ABLIM1: variants seen among roughly 807,000 people sequenced by gnomAD.
The protein encoded by ABLIM1 is actin-binding LIM protein 1.
ABLIM1 carries 40 observed loss-of-function variants against 107.0 expected under a neutral mutation model. The observed-to-expected ratio is 0.37, with a 90% confidence interval of 0.29 to 0.49. The LOEUF is 0.49. Ranked by LOEUF, ABLIM1 falls within the 20% of genes least tolerant of loss-of-function variation. The pLI, the probability that ABLIM1 is intolerant of heterozygous loss-of-function variation, is 0.97. For missense variants in ABLIM1, 857 were observed against 1,008.5 expected (o/e 0.85, Z 2.04); for synonymous variants, 357 against 357.3 (o/e 1.00, Z 0.01).
chr10:114,697,841 A>G (rs1328926144), intron 1 of ABLIM1, among the ~76,000 whole-genome samples: 1 of 152,174 alleles, frequency 6.6e-6, no homozygotes, highest in Non-Finnish European at 1.5e-5. Flanking sequence ...TTAAAAGATC[A>G]TTTTGCCATT....
intron 17 of ABLIM1, 93 bp from the exon 18 acceptor site, chr10:114,441,879 G>T: frequency 3.5e-6 from 4 of 1,134,538 alleles, no homozygotes; most frequent in Non-Finnish European, 3.9e-6. Flanking sequence ...TCACAGGATA[G>T]AAATACCAAA....
intron 2 of ABLIM1, among the ~76,000 whole-genome samples, chr10:114,585,154 G>T (rs1043599163): frequency 6.6e-6 from 1 of 152,084 alleles, no homozygotes; most frequent in Non-Finnish European, 1.5e-5. Context: ...TAATAGGAAC[G>T]ACCTTGCTAA....
chr10:114,598,669 GA>G (rs1566055807), intron 2 of ABLIM1, among the ~76,000 whole-genome samples: 2 of 151,580 alleles, frequency 1.3e-5, no homozygotes, highest in Non-Finnish European at 2.9e-5. Flanking sequence ...AAGGTGGCAT[GA>G]AAAAAAAGAA....
intron 2 of ABLIM1, among the ~76,000 whole-genome samples, chr10:114,590,834 G>T (rs1469069173): frequency 6.6e-6 from 1 of 151,980 alleles, no homozygotes; most frequent in African/African-American, 2.4e-5. Flanking sequence ...CTTCTGCATG[G>T]GTTTAATATG....
intron 1 of ABLIM1, among the ~76,000 whole-genome samples, chr10:114,612,257 G>T (rs2076857363): frequency 6.6e-6 from 1 of 152,132 alleles, no homozygotes; most frequent in South Asian, 2.1e-4. Flanking sequence ...TATCACAGGA[G>T]CAGGTTGCTG....
At chr10:114,686,913 C>G (rs1347103618), upstream of ABLIM1, among the ~76,000 whole-genome samples, 2 of 152,126 alleles carry the variant, frequency 1.3e-5, no homozygotes, top group African/African-American at 4.8e-5. Context: ...AGGCATGAGC[C>G]ACAGTGCCCG....
chr10:114,491,012 G>GTGTGTGTGTGTGTATATATATATATA lies in ABLIM1; in HGVS notation c.982+778_982+779insTATATATATATATACACACACACACA. On this transcript the variant is annotated intron_variant, in intron 7 of 22. Transcript: ENST00000533213. ...TGTGTGTGTGTGTGTGTGTGTGTGT[G>GTGTGTGTGTGTGTATATATATATATA]TATATATATATATGGTCTATTTTAT... Among the ~76,000 whole-genome samples the GTGTGTGTGTGTGTATATATATATATA allele has an allele frequency of 2.7e-3, 246 of 92,308 alleles. 4 individuals are homozygous for GTGTGTGTGTGTGTATATATATATATA. The highest frequency in any genetic ancestry group is 0.01 in the African/African-American group (220 of 21,634). 60.6% of individuals were successfully genotyped at this position (92,308 alleles called of 152,430 possible). A position where few individuals can be genotyped will look rare whatever the true frequency, so the allele number is the denominator to read the frequency against.
intron 4 of ABLIM1, among the ~76,000 whole-genome samples, chr10:114,570,576 T>C (rs949369936): frequency 8.0e-5 from 12 of 150,270 alleles, no homozygotes; most frequent in Non-Finnish European, 1.5e-4. Context: ...CTGGGTCACA[T>C]GGTAGTTCTA....
At chr10:114,518,486 T>C (rs539548619) in intron 6 of ABLIM1, among the ~76,000 whole-genome samples, 3 of 151,830 alleles carry the variant, frequency 2.0e-5, no homozygotes, top group South Asian at 2.1e-4. Flanking sequence ...CTAGAGACTA[T>C]GTAAATGAAC....
intron 1 of ABLIM1, among the ~76,000 whole-genome samples, chr10:114,708,763 G>A (rs1434303238): frequency 6.6e-6 from 1 of 152,170 alleles, no homozygotes; most frequent in Non-Finnish European, 1.5e-5. Context: ...TCTGGGGTCA[G>A]TTTTTTAATG....
At chr10:114,678,214 C>G (rs2080578258) in intron 1 of ABLIM1, among the ~76,000 whole-genome samples, 1 of 152,050 alleles carries the variant, frequency 6.6e-6, no homozygotes, top group Non-Finnish European at 1.5e-5. Flanking sequence ...AACAGGTTTT[C>G]AAACAGGGTT....
intron 2 of ABLIM1, among the ~76,000 whole-genome samples, chr10:114,596,337 C>A (rs533476451): frequency 3.3e-5 from 5 of 152,192 alleles, no homozygotes; most frequent in African/African-American, 1.2e-4. Flanking sequence ...AGTTCCTTGA[C>A]AACCTGGTAT....
chr10:114,558,355 A>C (rs955932994), intron 4 of ABLIM1, among the ~76,000 whole-genome samples: 1 of 152,318 alleles, frequency 6.6e-6, no homozygotes, highest in Non-Finnish European at 1.5e-5. Flanking sequence ...TGAGCACAAA[A>C]GAAATAGAAG....
At chr10:114,642,691 T>C (rs554678626) in intron 1 of ABLIM1, among the ~76,000 whole-genome samples, 41 of 152,224 alleles carry the variant, frequency 2.7e-4, no homozygotes, top group African/African-American at 8.9e-4. Flanking sequence ...TTAAAGAGTA[T>C]AGATATAATA....
At chr10:114,574,400 C>T (rs2072166529) in intron 3 of ABLIM1, among the ~76,000 whole-genome samples, 1 of 150,420 alleles carries the variant, frequency 6.6e-6, no homozygotes, top group South Asian at 2.1e-4. Context: ...TCACACTTCA[C>T]ATAGTTTTCT....
intron 17 of ABLIM1, among the ~76,000 whole-genome samples, chr10:114,443,714 TG>T (rs1476556192): frequency 6.7e-6 from 1 of 149,926 alleles, no homozygotes; most frequent in Admixed American, 6.6e-5. Flanking sequence ...AAAAGCATCA[TG>T]TTTTTTAGAG....
At chr10:114,793,542 T>G in the ABLIM1 span, among the ~76,000 whole-genome samples, 1 of 152,218 alleles carries the variant, frequency 6.6e-6, no homozygotes, top group Non-Finnish European at 1.5e-5. Context: ...AGCTTTATGC[T>G]GCACTTTATG....
In ABLIM1 at chr10:114,675,603, T is replaced by C. The variant is rs553501928; in HGVS notation, c.64+8687A>G. 4.6e-5 allele frequency among the ~76,000 whole-genome samples: 7 copies of C among 152,334 alleles called. No individual in the cohort carries two copies. In the East Asian group the frequency reaches 1.4e-3, roughly 29 times the overall value. On this transcript the variant is annotated intron_variant, in intron 1 of 23. Coordinates refer to the ABLIM1 transcript ENST00000369256. ...TTATAGCAGTGTGAGAACAGACTAA[T>C]ACACCAGCCACTAGCCTTTGCGTGT...
intron 2 of ABLIM1, among the ~76,000 whole-genome samples, chr10:114,582,521 A>G (rs1696056932): frequency 1.3e-5 from 2 of 152,232 alleles, no homozygotes; most frequent in Non-Finnish European, 2.9e-5. Flanking sequence ...TCTAAAATTC[A>G]TATGGAACCA....
Sources: gnomAD v4.1 joint callset for allele counts (sites outside exome capture counted in the v4.1 genomes callset) on GRCh38, gnomAD v4.1.1 for gene constraint, MANE v1.5 for transcripts, NCBI Gene and HGNC (gene_info 2026-07-23, HGNC 2026-07-21) for gene names.